The following MCM3AP variants were observed in gnomAD, a reference collection of about 807,000 sequenced individuals.
MCM3AP encodes the protein germinal-center associated nuclear protein.
A neutral mutation model predicts 184.1 loss-of-function variants in MCM3AP; 126 were observed. That is an observed-to-expected ratio of 0.68 (90% CI 0.59 to 0.79). MCM3AP has a LOEUF of 0.79. Ranked by LOEUF, MCM3AP falls within the 30% of genes least tolerant of loss-of-function variation. The pLI is 0.00. For synonymous variants in MCM3AP, 1,002 were observed against 979.3 expected, an observed-to-expected ratio of 1.02 and a Z score of -0.43; for missense variants, 2,496 against 2,479.2, an observed-to-expected ratio of 1.01 and a Z score of -0.14.
At chr21:46,266,872 G>A (rs1186847371) in intron 10 of MCM3AP, 110 bp downstream of exon 10, 9 of 1,175,256 alleles carry the variant, frequency 7.7e-6, no homozygotes, top group Non-Finnish European at 1.1e-5. Flanking sequence ...CATGGCAGAG[G>A]GAATGCACCT....
chr21:46,264,173 C>G lies in MCM3AP; in HGVS notation c.3279G>C (p.Gln1093His). 1 of 1,613,906 alleles carries G rather than the reference C, an allele frequency of 6.2e-7. No individual in the cohort carries two copies. The highest frequency in any genetic ancestry group is 8.5e-7 in the Non-Finnish European group (1 of 1,179,948). ...VVDELIQEAL[Q>H]RDCEEVGSAG... ...CAGAGCCAACTTCCTCACAGTCCCT[C>G]TGCAGGGCCTCCTGGATGAGCTCGT... Residue 1093 changes from glutamine to histidine, a missense_variant, in exon 13 of 28, where the codon CAG becomes CAC. Physicochemically the swap from Gln to His is conservative, Grantham distance 24 (BLOSUM62 0). Coordinates refer to ENST00000291688, the MANE Select transcript of MCM3AP (RefSeq NM_003906.5).
chr21:46,275,831 G>A (rs898197080), intron 5 of MCM3AP, among the ~76,000 whole-genome samples: 8 of 152,150 alleles, frequency 5.3e-5, no homozygotes, highest in African/African-American at 1.4e-4. Flanking sequence ...TATAATGGAC[G>A]TTAACTGGGT....
rs540612877 is a variant in MCM3AP, at chr21:46,264,874, A to T, written c.3234+447T>A. Among the ~76,000 whole-genome samples, 127 of 151,238 alleles carry T rather than the reference A, an allele frequency of 8.4e-4. 1 individual carries two copies. The highest frequency in any genetic ancestry group is 3.1e-3 in the African/African-American group (127 of 41,150). On this transcript the variant is annotated intron_variant, in intron 12 of 27. Coordinates refer to ENST00000291688, the MANE Select transcript of MCM3AP (RefSeq NM_003906.5). ...GTCACACCCATCAGTGGGGACACCC[A>T]ACCCCAGGACATGCCCTTCAGGGGA...
At chr21:46,241,397 T>C (rs927881813) in intron 25 of MCM3AP, 7 of 174,360 alleles carry the variant, frequency 4.0e-5, no homozygotes, top group Non-Finnish European at 8.6e-5. Flanking sequence ...AGGTTTTTTA[T>C]AGATAGCTCT....
In MCM3AP at chr21:46,245,114, T is replaced by A. The variant is rs1475507312; in HGVS notation, c.4731A>T (p.Glu1577Asp). The A allele has an allele frequency of 6.2e-7, 1 of 1,614,224 alleles. No homozygotes were observed. ...LCCQTLIQYVEDGIGHEFSGR... is the reference protein window; with the variant it reads ...LCCQTLIQYVDDGIGHEFSGR... ...CACTAAACTCATGGCCAATCCCGTCTTCGACGTACTGAATGAGAGTCTGGC... is the reference window on the plus strand; with the variant it reads ...CACTAAACTCATGGCCAATCCCGTCATCGACGTACTGAATGAGAGTCTGGC... Residue 1577 changes from glutamate to aspartate, a missense_variant, in exon 23 of 28, where the codon GAA becomes GAT. Physicochemically the swap from Glu to Asp is conservative, Grantham distance 45. Coordinates refer to ENST00000291688, the MANE Select transcript of MCM3AP (RefSeq NM_003906.5).
Position 46,256,238 on chromosome 21 carries a change from G to A in MCM3AP, c.3932+551C>T, listed in dbSNP as rs182571740. ...GCAGGCTGAGGGGGGTCCTGGCATGGCCCTGAGGAGCCGGTTCTGCTCGGG... is the reference window on the plus strand; with the variant it reads ...GCAGGCTGAGGGGGGTCCTGGCATGACCCTGAGGAGCCGGTTCTGCTCGGG... On this transcript the variant is annotated intron_variant, in intron 17 of 27. Coordinates refer to ENST00000291688, the MANE Select transcript of MCM3AP (RefSeq NM_003906.5). 2.4e-3 allele frequency among the ~76,000 whole-genome samples: 361 copies of A among 152,294 alleles called. 1 individual carries two copies. The highest frequency in any genetic ancestry group is 8.2e-3 in the African/African-American group (340 of 41,562).
At chr21:46,281,082 A>G (rs1249388329) in intron 2 of MCM3AP, among the ~76,000 whole-genome samples, 1 of 152,212 alleles carries the variant, frequency 6.6e-6, no homozygotes, top group Non-Finnish European at 1.5e-5. Flanking sequence ...CTGGGATTAC[A>G]GGCGTGAGCC....
intron 12 of MCM3AP, among the ~76,000 whole-genome samples, chr21:46,264,876 C>T (rs1290191695): frequency 1.3e-5 from 2 of 152,110 alleles, no homozygotes; most frequent in Non-Finnish European, 2.9e-5. Context: ...GGACACCCAA[C>T]CCCAGGACAT....
At chr21:46,270,640 A>G in intron 8 of MCM3AP, 77 bp from the exon 9 acceptor site, 1 of 1,278,148 alleles carries the variant, frequency 7.8e-7, no homozygotes, top group Non-Finnish European at 1.1e-6. Flanking sequence ...TAGATCTGAT[A>G]AATAATAGAT....
chr21:46,279,627 C>G (rs967406785), intron 4 of MCM3AP, among the ~76,000 whole-genome samples: 1 of 152,208 alleles, frequency 6.6e-6, no homozygotes, highest in East Asian at 1.9e-4. Context: ...TAGAAAATGC[C>G]AAGATGGAAA....
chr21:46,283,785 T>C lies in MCM3AP; in HGVS notation c.1273A>G (p.Ser425Gly). 1.9e-6 allele frequency: 3 copies of C among 1,614,172 alleles called. No individual in the cohort carries two copies. The highest frequency in any genetic ancestry group is 1.3e-5 in the African/African-American group (1 of 75,056). Reference sequence around the variant, plus strand: ...TCAGAGGGAGACAAGCCCCCAAGACTGTCTGTGCTCTCGCTTCTGTTACTC... The same window carrying C: ...TCAGAGGGAGACAAGCCCCCAAGACCGTCTGTGCTCTCGCTTCTGTTACTC... ...RQSNRSESTD[S>G]LGGLSPSEVT... is the part of the protein sequence containing the mutation. The change falls in exon 2 of 28, where the codon AGT (serine) becomes GGT (glycine). Residue 425 changes from serine to glycine, a missense_variant. By Grantham distance (56) the Ser-to-Gly change is moderately conservative (BLOSUM62 0). Coordinates refer to ENST00000291688, the MANE Select transcript of MCM3AP (RefSeq NM_003906.5).
rs1181643985 is a variant in MCM3AP at position 46,273,401 on chromosome 21, C to T, written c.2183G>A (p.Arg728His). The T allele has an allele frequency of 2.3e-5, 37 of 1,613,778 alleles. No individual in the cohort carries two copies. Among genetic ancestry groups the T allele is most frequent in the Non-Finnish European group, 3.1e-5 (37 of 1,179,794 alleles). ...GGCAGCCAATACCTTCCGTATGCCA[C>T]GCGTGCGGTTCCACACGAAGTCATA... Reference protein sequence around the residue: ...DWYDFVWNRTRGIRKDITQQH... With the variant: ...DWYDFVWNRTHGIRKDITQQH... The change falls in exon 7 of 28, where the codon CGT becomes CAT. Residue 728 changes from arginine to histidine, a missense_variant. Arg to His is a conservative substitution (Grantham distance 29, BLOSUM62 0). Transcript: ENST00000291688.
rs1436796487 is a variant in MCM3AP at position 46,250,854 on chromosome 21, G to T, written c.4290+675C>A. On this transcript the variant is annotated intron_variant, in intron 20 of 27. Coordinates refer to ENST00000291688, the MANE Select transcript of MCM3AP (RefSeq NM_003906.5). ...GAGTAATTAGTTATTTAGGAATAAG[G>T]TAACTAATACATTTATATTAATGGG... The T allele has an allele frequency of 2.0e-5, 3 of 152,338 alleles. No homozygotes were observed. In the East Asian group the frequency reaches 5.8e-4, roughly 29 times the overall value. The allele number at this position is 152,338 out of a possible 1,614,324, so 9.4% of individuals were successfully genotyped here.
At chr21:46,279,913 G>A in intron 4 of MCM3AP, 80 bp downstream of exon 4, 3 of 1,424,428 alleles carry the variant, frequency 2.1e-6, no homozygotes, top group South Asian at 2.7e-5. Context: ...CCACAGTCTT[G>A]CACCCTGACT....
chr21:46,246,277 G>A, intron 22 of MCM3AP, 30 bp downstream of exon 22: 1 of 1,367,736 alleles, frequency 7.3e-7, no homozygotes, highest in Non-Finnish European at 1.0e-6. Flanking sequence ...AAAATATCTT[G>A]ACAGACCATT....
chr21:46,258,792 T>A (rs2080995530), intron 16 of MCM3AP, 147 bp downstream of exon 16: 1 of 748,998 alleles, frequency 1.3e-6, no homozygotes, highest in Non-Finnish European at 2.3e-6. Flanking sequence ...TATAATCCAA[T>A]TAGTCTATTT....
At position 46,277,382 on chromosome 21, in the gene MCM3AP, G is replaced by A. The variant is rs1165524596; in HGVS notation, c.1858+145C>T. On this transcript the variant is annotated intron_variant, in intron 5 of 27. Transcript: ENST00000291688. The stretch of plus-strand genomic sequence containing the variant: ...AACACTCACTCCAAGAAGACAGGCA[G>A]ACTATGAAGATCAGACACAGCATAT... The A allele has an allele frequency of 7.4e-6, 4 of 540,998 alleles. No individual in the cohort carries two copies. In the East Asian group the frequency reaches 1.2e-4, roughly 17 times the overall value. 33.5% of individuals were successfully genotyped at this position (540,998 alleles called of 1,614,324 possible). A position where few individuals can be genotyped will look rare whatever the true frequency, so the allele number is the denominator to read the frequency against.
chr21:46,257,887 T>C (rs901028634), intron 16 of MCM3AP, among the ~76,000 whole-genome samples: 69 of 143,476 alleles, frequency 4.8e-4, no homozygotes, highest in Admixed American at 2.8e-3. Context: ...ATTGCGCCAC[T>C]GCACTCCAGC....
At chr21:46,251,849 G>C in intron 19 of MCM3AP, 167 bp from the exon 20 acceptor site, 1 of 374,168 alleles carries the variant, frequency 2.7e-6, no homozygotes, top group East Asian at 3.9e-5. Context: ...ACAGGCTGTT[G>C]TTTTAAAATG....
Sources: allele counts gnomAD v4.1 joint callset (sites outside exome capture counted in the v4.1 genomes callset), GRCh38; gene constraint gnomAD v4.1.1; transcripts MANE v1.5; gene names NCBI Gene and HGNC (gene_info 2026-07-23, HGNC 2026-07-21).